KANSL1: variants seen among roughly 807,000 people sequenced by gnomAD.
KANSL1 encodes KAT8 regulatory NSL complex subunit 1.
In KANSL1, 22 loss-of-function variants were observed where a neutral mutation model predicts 103.6. The observed-to-expected ratio is 0.21, with a 90% CI of 0.15 to 0.30. The LOEUF is 0.30. KANSL1 is among the 10% of genes least tolerant of loss of function. The probability of loss-of-function intolerance (pLI) is 1.00; values close to 1 mark genes in which losing one functional copy is unlikely to be tolerated. For missense variants in KANSL1, 1,337 were observed against 1,399.8 expected, an observed-to-expected ratio of 0.96 and a Z score of 0.72; for synonymous variants, 600 against 527.6, an observed-to-expected ratio of 1.14 and a Z score of -1.88.
intron 1 of KANSL1, among the ~76,000 whole-genome samples, chr17:46,179,971 G>A (rs2046705218): frequency 6.6e-6 from 1 of 151,968 alleles, no homozygotes; most frequent in African/African-American, 2.4e-5. Flanking sequence ...GACTGAGACA[G>A]GATAATTGCT....
intron 3 of KANSL1, among the ~76,000 whole-genome samples, chr17:46,091,753 C>T (rs2146918864): frequency 6.6e-6 from 1 of 151,686 alleles, no homozygotes; most frequent in Admixed American, 6.6e-5. Flanking sequence ...ACCATATTGT[C>T]TAAGTGAATA....
intron 2 of KANSL1, among the ~76,000 whole-genome samples, chr17:46,104,384 C>T (rs1296259917): frequency 2.6e-5 from 4 of 152,204 alleles, no homozygotes; most frequent in Admixed American, 6.5e-5. Flanking sequence ...CCTTGTGCAT[C>T]GTACCTCACA....
intron 1 of KANSL1, among the ~76,000 whole-genome samples, chr17:46,211,984 G>A (rs1021984443): frequency 3.3e-5 from 5 of 152,180 alleles, no homozygotes; most frequent in Non-Finnish European, 7.3e-5. Flanking sequence ...ATCACTTGGT[G>A]CCAATTTAGA....
At position 46,172,040 on chromosome 17, in the gene KANSL1, T is replaced by C; in HGVS notation, c.104A>G (p.Glu35Gly). The change falls in exon 2 of 15, where the codon GAA (glutamate) becomes GGA (glycine). Residue 35 changes from glutamate to glycine, a missense_variant. Physicochemically the swap from Glu to Gly is moderately conservative, Grantham distance 98. Around this residue, in one of 2 missense-constraint regions of KANSL1, gnomAD observed 557 missense variants for 476.4 expected, o/e 1.17. Coordinates refer to ENST00000432791, the MANE Select transcript of KANSL1 (RefSeq NM_015443.4). ...AAGGATGTTGGCGTTGCCGTTATTT[T>C]CGGCACTGCCAGGGGACAAGGTAGA... is the stretch of plus-strand genomic sequence containing the variant. Reference protein sequence around the residue: ...PSSTLSPGSAENNGNANILIA... With the variant: ...PSSTLSPGSAGNNGNANILIA... 1 of 1,614,256 alleles carries C rather than the reference T, an allele frequency of 6.2e-7. No individual in the cohort carries two copies. The highest frequency in any genetic ancestry group is 1.3e-5 in the African/African-American group (1 of 75,072).
chr17:46,109,388 T>C (rs1001640391), intron 2 of KANSL1, among the ~76,000 whole-genome samples: 3 of 152,208 alleles, frequency 2.0e-5, no homozygotes, highest in Non-Finnish European at 4.4e-5. Flanking sequence ...AACCACTTAC[T>C]AACAGAATCG....
chr17:46,048,154 C>T (rs984330914), intron 7 of KANSL1, among the ~76,000 whole-genome samples: 13 of 152,012 alleles, frequency 8.6e-5, no homozygotes, highest in African/African-American at 2.9e-4. Context: ...ATGATGAACC[C>T]GCCACGGCCT....
chr17:46,044,691 T>C (rs1032018539), intron 7 of KANSL1: 2 of 152,202 alleles, frequency 1.3e-5, no homozygotes, highest in Admixed American at 1.3e-4. Context: ...TATACCCTAG[T>C]CTCTCCACCT....
intron 7 of KANSL1, chr17:46,043,051 T>C (rs544678626): frequency 1.3e-5 from 2 of 152,310 alleles, no homozygotes; most frequent in South Asian, 4.1e-4. Flanking sequence ...AAATAAAGCA[T>C]TGTCTAGAAG....
chr17:46,113,579 A>G (rs1018672859), intron 2 of KANSL1, among the ~76,000 whole-genome samples: 1 of 152,186 alleles, frequency 6.6e-6, no homozygotes, highest in African/African-American at 2.4e-5. Context: ...TCATGCTCAA[A>G]GAAAGTCATT....
chr17:46,219,747 A>G (rs1218357032), intron 1 of KANSL1, among the ~76,000 whole-genome samples: 6 of 152,270 alleles, frequency 3.9e-5, no homozygotes, highest in African/African-American at 1.4e-4. Flanking sequence ...GAAGATCCCA[A>G]GAGAACACAT....
intron 14 of KANSL1, 119 bp from the exon 15 acceptor site, chr17:46,031,822 C>T (rs17574425): frequency 2.0e-5 from 22 of 1,091,464 alleles, no homozygotes; most frequent in East Asian, 2.6e-5. Context: ...AGTGTTCCTG[C>T]GACAGTCTGG....
At position 46,039,012 on chromosome 17, in the gene KANSL1, T is replaced by TG. The variant is rs780947581; in HGVS notation, c.2392+14dup. 2 of 1,601,682 alleles carry TG rather than the reference T, an allele frequency of 1.2e-6. No individual in the cohort carries two copies. The highest frequency in any genetic ancestry group is 1.7e-6 in the Non-Finnish European group (2 of 1,177,302). On this transcript the variant is annotated intron_variant, in intron 9 of 14. Transcript: ENST00000432791. ...GGTGCAGTTGCAGGTAGAGGTGCCA[T>TG]GGGCCTGGCCCTACCTTCACTTCTC...
chr17:46,100,065 C>T (rs922143696), intron 2 of KANSL1, among the ~76,000 whole-genome samples: 18 of 152,216 alleles, frequency 1.2e-4, no homozygotes, highest in Non-Finnish European at 2.1e-4. Flanking sequence ...GTACTTTAAT[C>T]GTTCTTTTTA....
chr17:46,062,354 GCTT>G (rs1488929140), intron 6 of KANSL1, among the ~76,000 whole-genome samples: 3,775 of 109,590 alleles, frequency 0.034, 188 homozygotes, highest in African/African-American at 0.11. Context: ...TATAACAACA[GCTT>G]TTTTTTTTTT....
intron 7 of KANSL1, chr17:46,040,775 T>C (rs1278745003): frequency 6.6e-6 from 1 of 152,278 alleles, no homozygotes; most frequent in East Asian, 1.9e-4. Context: ...ACTGAATCTT[T>C]CAATCGACTG....
rs141409854 is a variant in KANSL1, at chr17:46,038,514, G to C, written c.2541+24C>G. 8.8e-5 allele frequency: 142 copies of C among 1,611,796 alleles called. No individual in the cohort carries two copies. The African/African-American group carries it at 1.8e-3, about 20-fold the overall frequency. The stretch of plus-strand genomic sequence containing the variant: ...GCTGTGACCTGCAGAGGGGGTGTCC[G>C]GCCAACCCCACACAGGTACTTACCG... On this transcript the variant is annotated intron_variant, in intron 10 of 14. Coordinates refer to ENST00000432791, the MANE Select transcript of KANSL1 (RefSeq NM_015443.4).
intron 2 of KANSL1, among the ~76,000 whole-genome samples, chr17:46,113,230 C>G (rs972724359): frequency 6.6e-6 from 1 of 152,194 alleles, no homozygotes; most frequent in Non-Finnish European, 1.5e-5. Flanking sequence ...AGAAACCTTG[C>G]TGTATATGAA....
chr17:46,146,361 C>T lies in KANSL1; in HGVS notation c.1289+24494G>A, dbSNP rs191599537. On this transcript the variant is annotated intron_variant, in intron 2 of 14. Coordinates refer to ENST00000432791, the MANE Select transcript of KANSL1 (RefSeq NM_015443.4). ...AAATCAATTTGAAAAGGTTACATAGCTTAATCAAGGTCACAAAGTGACTGA... is the reference window on the plus strand; with the variant it reads ...AAATCAATTTGAAAAGGTTACATAGTTTAATCAAGGTCACAAAGTGACTGA... Among the ~76,000 whole-genome samples, 52 of 152,328 alleles carry T rather than the reference C, an allele frequency of 3.4e-4. No homozygotes were observed. In the East Asian group the frequency reaches 7.9e-3, roughly 23 times the overall value.
At chr17:46,208,665 C>T (rs995190855) in intron 1 of KANSL1, among the ~76,000 whole-genome samples, 3 of 151,068 alleles carry the variant, frequency 2.0e-5, no homozygotes. Context: ...ACATTCAGCA[C>T]CTCAGAACCT....
Sources: allele counts gnomAD v4.1 joint callset (sites outside exome capture counted in the v4.1 genomes callset), GRCh38; gene constraint gnomAD v4.1.1; regional missense constraint gnomAD v4.1.1; transcripts MANE v1.5; gene names NCBI Gene and HGNC (gene_info 2026-07-23, HGNC 2026-07-21).